GALNT13: variants seen among roughly 807,000 people sequenced by gnomAD.
The protein encoded by GALNT13 is polypeptide N-acetylgalactosaminyltransferase 13, also known as UDP-GalNAc:polypeptide N-acetylgalactosaminyltransferase 13.
A neutral mutation model predicts 64.2 loss-of-function variants in GALNT13; 28 were observed. The ratio of observed to expected loss-of-function variants is 0.44; its 90% confidence interval spans 0.32 to 0.60. The LOEUF (loss-of-function observed/expected upper bound fraction) is 0.60, where lower values mean the gene tolerates loss of function less well. GALNT13 is among the 20% of genes least tolerant of loss of function. The probability of loss-of-function intolerance (pLI) is 0.05; values close to 1 mark genes in which losing one functional copy is unlikely to be tolerated. For synonymous variants in GALNT13, 214 were observed against 224.6 expected, an observed-to-expected ratio of 0.95 and a Z score of 0.42; for missense variants, 577 against 669.8, an observed-to-expected ratio of 0.86 and a Z score of 1.53.
At chr2:153,602,319 T>C in the GALNT13 span, among the ~76,000 whole-genome samples, 1 of 151,842 alleles carries the variant, frequency 6.6e-6, no homozygotes, top group Non-Finnish European at 1.5e-5. Flanking sequence ...TCACGGTGTC[T>C]GTGAAAGACA....
At chr2:154,397,300 G>A (rs574364516) in intron 10 of GALNT13, among the ~76,000 whole-genome samples, 4 of 151,974 alleles carry the variant, frequency 2.6e-5, no homozygotes, top group South Asian at 2.1e-4. Flanking sequence ...TTAGCCAGGC[G>A]TGGTGGCAGG....
intron 4 of GALNT13, 35 bp downstream of exon 4, chr2:154,140,540 C>G: frequency 1.5e-6 from 2 of 1,368,634 alleles, no homozygotes; most frequent in Non-Finnish European, 2.1e-6. Flanking sequence ...CTTTTATATT[C>G]ATAATCACCA....
At chr2:153,157,395 C>T in the GALNT13 span, among the ~76,000 whole-genome samples, 1 of 152,156 alleles carries the variant, frequency 6.6e-6, no homozygotes, top group East Asian at 1.9e-4. Flanking sequence ...ACTGAAAGAG[C>T]TGGTACATTG....
At position 154,043,411 on chromosome 2, in the gene GALNT13, C is replaced by G. The variant is rs1199164209; in HGVS notation, c.143-96926C>G. 1.1e-4 allele frequency among the ~76,000 whole-genome samples: 8 copies of G among 73,254 alleles called. No individual in the cohort carries two copies. In the East Asian group the frequency reaches 2.3e-3, roughly 21 times the overall value. 48.1% of individuals were successfully genotyped at this position (73,254 alleles called of 152,430 possible). On this transcript the variant is annotated intron_variant, in intron 3 of 12. Coordinates refer to ENST00000392825, the MANE Select transcript of GALNT13 (RefSeq NM_052917.4). ...TCTTCTGTCAACACTACTATAAGGA[C>G]TTTTATATATATATATATATATATA...
rs147014940 is a variant in GALNT13, at chr2:154,440,139, C to A, written c.1530+1413C>A. On this transcript the variant is annotated intron_variant, in intron 12 of 12. Transcript: ENST00000392825. ...TTGTTTTTAAATAAAACTTGTTCTT[C>A]TTGTTGTTACTGTTCCGTTTCTACC... Among the ~76,000 whole-genome samples, 816 of 152,156 alleles carry A rather than the reference C, an allele frequency of 5.4e-3. 16 individuals are homozygous for A. In the South Asian group the frequency reaches 0.061, roughly 11 times the overall value.
the GALNT13 span, among the ~76,000 whole-genome samples, chr2:153,784,758 G>A: frequency 3.3e-5 from 5 of 152,166 alleles, no homozygotes; most frequent in South Asian, 2.1e-4. Context: ...ACAACACCTC[G>A]CAGGATAAGA....
At chr2:153,526,349 A>G in the GALNT13 span, among the ~76,000 whole-genome samples, 1 of 152,244 alleles carries the variant, frequency 6.6e-6, no homozygotes. Flanking sequence ...GTGGCTCAAA[A>G]CAAAGACAGA....
At chr2:153,462,262 C>T in the GALNT13 span, among the ~76,000 whole-genome samples, 2 of 152,038 alleles carry the variant, frequency 1.3e-5, no homozygotes, top group Non-Finnish European at 2.9e-5. Flanking sequence ...TTGAAATTTA[C>T]ATATTTCTAA....
At chr2:153,689,695 A>T in the GALNT13 span, among the ~76,000 whole-genome samples, 1 of 152,016 alleles carries the variant, frequency 6.6e-6, no homozygotes, top group African/African-American at 2.4e-5. Context: ...GAAGTCAGCG[A>T]TCATACTTAA....
chr2:153,799,892 T>C, the GALNT13 span, among the ~76,000 whole-genome samples: 6 of 152,110 alleles, frequency 3.9e-5, no homozygotes, highest in African/African-American at 1.2e-4. Context: ...TTGGTATATA[T>C]TTGAGGGAGA....
At chr2:153,710,364 G>GA in the GALNT13 span, among the ~76,000 whole-genome samples, 3 of 151,990 alleles carry the variant, frequency 2.0e-5, no homozygotes, top group Admixed American at 6.6e-5. Flanking sequence ...CGTAACTTCT[G>GA]AAAAAATCAC....
intron 4 of GALNT13, 95 bp downstream of exon 4, chr2:154,140,600 C>A: frequency 1.2e-6 from 1 of 866,986 alleles, no homozygotes; most frequent in Non-Finnish European, 1.8e-6. Flanking sequence ...TCAATTCTAG[C>A]AATGTGTGGT....
At chr2:153,225,422 T>C in the GALNT13 span, among the ~76,000 whole-genome samples, 1 of 152,200 alleles carries the variant, frequency 6.6e-6, no homozygotes, top group Non-Finnish European at 1.5e-5. Context: ...AGCCTTAATG[T>C]TGGGAACAAG....
At position 154,202,625 on chromosome 2, in the gene GALNT13, C is replaced by T. The variant is rs183425583; in HGVS notation, c.312-39405C>T. On this transcript the variant is annotated intron_variant, in intron 4 of 12. Coordinates refer to ENST00000392825, the MANE Select transcript of GALNT13 (RefSeq NM_052917.4). ...TGGCTAACACCAAGATCCAAGCTTTCTTCACTATGAAGATTTTATAAGCAT... is the reference window on the plus strand; with the variant it reads ...TGGCTAACACCAAGATCCAAGCTTTTTTCACTATGAAGATTTTATAAGCAT... Among the ~76,000 whole-genome samples the T allele has an allele frequency of 7.6e-3, 1,162 of 152,188 alleles. 5 individuals carry two copies. The highest frequency in any genetic ancestry group is 0.013 in the Non-Finnish European group (853 of 67,978).
chr2:153,127,122 C>T, the GALNT13 span, among the ~76,000 whole-genome samples: 2 of 151,938 alleles, frequency 1.3e-5, no homozygotes, highest in African/African-American at 2.4e-5. Context: ...TGTTTGATTG[C>T]GTTGGCATGG....
At chr2:153,743,579 A>T in the GALNT13 span, among the ~76,000 whole-genome samples, 1 of 152,098 alleles carries the variant, frequency 6.6e-6, no homozygotes. Context: ...TTTATGAGGC[A>T]CATAAGATGT....
chr2:153,854,032 T>A, the GALNT13 span, among the ~76,000 whole-genome samples: 81 of 151,660 alleles, frequency 5.3e-4, 1 homozygote, highest in Non-Finnish European at 1.0e-3. Context: ...ATACCTTAAA[T>A]CTGTGAAGTC....
chr2:154,091,555 A>G (rs1701810342), intron 3 of GALNT13, among the ~76,000 whole-genome samples: 2 of 151,910 alleles, frequency 1.3e-5, no homozygotes, highest in African/African-American at 4.8e-5. Context: ...CATACATCAT[A>G]CTTTCTGAAT....
In GALNT13 at chr2:154,242,088, C is replaced by T. The variant is rs1366785930; in HGVS notation, c.370C>T (p.His124Tyr). 2.5e-6 allele frequency: 4 copies of T among 1,611,408 alleles called. No individual in the cohort carries two copies. The highest frequency in any genetic ancestry group is 3.4e-6 in the Non-Finnish European group (4 of 1,178,000). The stretch of plus-strand genomic sequence containing the variant: ...AAACACAAGTGTAGTCATTGTGTTT[C>T]ATAATGAAGCTTGGAGCACTCTCCT... ...LPNTSVVIVF[H>Y]NEAWSTLLRT... is the part of the protein sequence containing the mutation. Residue 124 changes from histidine to tyrosine, a missense_variant, in exon 5 of 13, where the codon CAT becomes TAT. Around this residue, in one of 3 missense-constraint regions of GALNT13, gnomAD observed 341 missense variants for 379.3 expected, o/e 0.90. Transcript: ENST00000392825.
Sources: gnomAD v4.1 joint callset for allele counts (sites outside exome capture counted in the v4.1 genomes callset) on GRCh38, gnomAD v4.1.1 for gene constraint, gnomAD v4.1.1 regional missense constraint, MANE v1.5 for transcripts, NCBI Gene and HGNC (gene_info 2026-07-23, HGNC 2026-07-21) for gene names.